NSUN6: variants seen among roughly 807,000 people sequenced by gnomAD.
NSUN6 encodes the protein tRNA (cytosine(72)-C(5))-methyltransferase NSUN6.
NSUN6 carries 64 observed loss-of-function variants against 58.0 expected under a neutral mutation model. The ratio of observed to expected loss-of-function variants is 1.10; its 90% CI spans 0.90 to 1.36. The LOEUF is 1.36. NSUN6 is among the 40% of genes most tolerant of loss of function. The pLI is 0.00. For missense variants in NSUN6, 701 were observed against 550.1 expected (o/e 1.27, Z -2.74); for synonymous variants, 231 against 193.9 (o/e 1.19, Z -1.59).
intron 8 of NSUN6, among the ~76,000 whole-genome samples, chr10:18,553,155 A>G (rs2054720678): frequency 6.7e-6 from 1 of 149,654 alleles, no homozygotes; most frequent in Non-Finnish European, 1.5e-5. Flanking sequence ...CTTCCCTTCC[A>G]TTCCATTCTC....
intron 2 of NSUN6, among the ~76,000 whole-genome samples, chr10:18,646,280 T>C (rs1162824961): frequency 1.3e-5 from 2 of 152,140 alleles, no homozygotes; most frequent in Non-Finnish European, 2.9e-5. Flanking sequence ...ATTCAGGACA[T>C]CTCTTTAGGA....
At chr10:18,654,089 T>TA (rs1385932620), upstream of NSUN6, among the ~76,000 whole-genome samples, 1 of 152,148 alleles carries the variant, frequency 6.6e-6, no homozygotes, top group Non-Finnish European at 1.5e-5. Context: ...AAAAGGTTGA[T>TA]AAAACACTGA....
At chr10:18,592,059 A>G (rs1369973476) in intron 7 of NSUN6, among the ~76,000 whole-genome samples, 1 of 152,184 alleles carries the variant, frequency 6.6e-6, no homozygotes, top group Non-Finnish European at 1.5e-5. Flanking sequence ...AATCACAAGC[A>G]TTCCTTTACA....
intron 7 of NSUN6, among the ~76,000 whole-genome samples, chr10:18,586,379 A>G (rs1224226829): frequency 6.6e-6 from 1 of 151,990 alleles, no homozygotes; most frequent in Non-Finnish European, 1.5e-5. Flanking sequence ...TCAGATGTTC[A>G]GATGTGTCTG....
intron 6 of NSUN6, among the ~76,000 whole-genome samples, chr10:18,607,986 G>C (rs1394897828): frequency 1.3e-5 from 2 of 152,226 alleles, no homozygotes; most frequent in African/African-American, 4.8e-5. Flanking sequence ...TAAGCAGTCA[G>C]TGTTAGCTGT....
At chr10:18,572,498 C>T (rs1223122348) in intron 8 of NSUN6, among the ~76,000 whole-genome samples, 1 of 148,908 alleles carries the variant, frequency 6.7e-6, no homozygotes, top group East Asian at 2.0e-4. Flanking sequence ...ATTCCACTCC[C>T]CATTCCATTC....
chr10:18,626,635 C>G (rs11815170), intron 3 of NSUN6, among the ~76,000 whole-genome samples: 1,772 of 152,170 alleles, frequency 0.012, 36 homozygotes, highest in African/African-American at 0.041. Flanking sequence ...CAGCGTGATG[C>G]CAGACGCCTG....
upstream of NSUN6, among the ~76,000 whole-genome samples, chr10:18,659,016 A>C (rs1041582030): frequency 2.6e-5 from 4 of 152,202 alleles, no homozygotes; most frequent in Non-Finnish European, 1.5e-5. Flanking sequence ...GAGTTTTCTA[A>C]GAGCAGCAAA....
chr10:18,628,566 T>TGA (rs1231111137), intron 3 of NSUN6, among the ~76,000 whole-genome samples: 1 of 152,028 alleles, frequency 6.6e-6, no homozygotes, highest in African/African-American at 2.4e-5. Context: ...TTAAAGGAGC[T>TGA]GAGGGAGCTG....
In NSUN6 at chr10:18,568,888, C is replaced by T. The variant is rs146301523; in HGVS notation, c.923-16917G>A. ...CTATTCTCCACTCTCCATTCTGTTC[C>T]ATTCCAATCCATTCTACTCTCCATT... is the stretch of plus-strand genomic sequence containing the variant. On this transcript the variant is annotated intron_variant, in intron 8 of 10. Coordinates refer to ENST00000377304, the MANE Select transcript of NSUN6 (RefSeq NM_182543.5). Among the ~76,000 whole-genome samples the T allele has an allele frequency of 3.9e-3, 588 of 149,148 alleles. 4 individuals carry two copies. The highest frequency in any genetic ancestry group is 0.013 in the African/African-American group (537 of 40,692).
At chr10:18,643,026 T>C (rs1026934913) in intron 2 of NSUN6, among the ~76,000 whole-genome samples, 9 of 151,840 alleles carry the variant, frequency 5.9e-5, no homozygotes, top group African/African-American at 2.2e-4. Flanking sequence ...TATCCTCTAT[T>C]ATAAGGGAAC....
At chr10:18,613,190 G>A (rs1361677560) in intron 5 of NSUN6, among the ~76,000 whole-genome samples, 3 of 151,918 alleles carry the variant, frequency 2.0e-5, no homozygotes, top group Non-Finnish European at 4.4e-5. Context: ...GCAACCCCCC[G>A]GGTTCAAGCG....
chr10:18,570,679 C>T (rs2056301576), intron 8 of NSUN6, among the ~76,000 whole-genome samples: 1 of 151,034 alleles, frequency 6.6e-6, no homozygotes, highest in African/African-American at 2.4e-5. Flanking sequence ...ATTCTCCATT[C>T]CATTTCATGC....
In NSUN6 at chr10:18,551,933, G is replaced by T; in HGVS notation, c.961C>A (p.Leu321Ile). 1.2e-6 allele frequency: 2 copies of T among 1,608,750 alleles called. No individual in the cohort carries two copies. Among genetic ancestry groups the T allele is most frequent in the Non-Finnish European group, 1.7e-6 (2 of 1,175,656 alleles). ...ATTCCACTACAGGGTGCATCCAGAA[G>T]AATTCGGTCAAAGGATTCTGGTAGA... Reference protein sequence around the residue: ...PFLPESFDRILLDAPCSGMGQ... With the variant: ...PFLPESFDRIILDAPCSGMGQ... Residue 321 changes from leucine (L) to isoleucine (I), a missense_variant, in exon 9 of 11, where the codon CTT becomes ATT. Physicochemically the swap from Leu to Ile is conservative, Grantham distance 5. Coordinates refer to ENST00000377304, the MANE Select transcript of NSUN6 (RefSeq NM_182543.5).
intron 7 of NSUN6, among the ~76,000 whole-genome samples, chr10:18,588,951 T>C (rs2057276633): frequency 6.6e-6 from 1 of 152,148 alleles, no homozygotes; most frequent in Admixed American, 6.5e-5. Context: ...CTTCTGAAGG[T>C]GGGTAATAAC....
chr10:18,582,503 A>T (rs1445761143), intron 8 of NSUN6, among the ~76,000 whole-genome samples: 3 of 152,176 alleles, frequency 2.0e-5, no homozygotes, highest in Non-Finnish European at 2.9e-5. Flanking sequence ...TTTATGAGAG[A>T]ATCAAGGTAT....
intron 3 of NSUN6, among the ~76,000 whole-genome samples, chr10:18,631,307 G>A (rs1314744459): frequency 6.9e-6 from 1 of 145,570 alleles, no homozygotes; most frequent in African/African-American, 2.5e-5. Context: ...ATACTGAATG[G>A]GCAAAAACTG....
chr10:18,655,030 A>C (rs1313322592), upstream of NSUN6: 2 of 974,376 alleles, frequency 2.1e-6, no homozygotes, highest in Non-Finnish European at 2.4e-6. Context: ...CTTACCGAGA[A>C]CTTCCCATTT....
At chr10:18,556,896 T>C (rs1180383544) in intron 8 of NSUN6, among the ~76,000 whole-genome samples, 1 of 140,340 alleles carries the variant, frequency 7.1e-6, no homozygotes, top group Non-Finnish European at 1.5e-5. Context: ...GGGAATGGAA[T>C]GGAAAATGGA....
Sources: gnomAD v4.1 joint callset for allele counts (sites outside exome capture counted in the v4.1 genomes callset) on GRCh38, gnomAD v4.1.1 for gene constraint, MANE v1.5 for transcripts, NCBI Gene and HGNC (gene_info 2026-07-23, HGNC 2026-07-21) for gene names.